Variants in DPY19L3 observed in about 807,000 individuals in gnomAD.
The protein encoded by DPY19L3 is protein C-mannosyl-transferase DPY19L3.
A neutral mutation model predicts 92.3 loss-of-function variants in DPY19L3; 51 were observed. That is an observed-to-expected ratio of 0.55 (90% CI 0.44 to 0.70). The LOEUF is 0.70. Among genes scored for constraint, DPY19L3 ranks in the 30% least tolerant of loss-of-function variants. The pLI is 0.00. For missense variants in DPY19L3, 706 were observed against 855.9 expected (o/e 0.82, Z 2.18); for synonymous variants, 309 against 315.2 (o/e 0.98, Z 0.21).
At chr19:32,440,392 C>T (rs1277983601) in intron 8 of DPY19L3, among the ~76,000 whole-genome samples, 1 of 152,150 alleles carries the variant, frequency 6.6e-6, no homozygotes, top group Non-Finnish European at 1.5e-5. Flanking sequence ...CTAATGTCTG[C>T]TGCTGTCATT....
At chr19:32,419,311 C>T (rs187080593) in intron 3 of DPY19L3, among the ~76,000 whole-genome samples, 3 of 152,008 alleles carry the variant, frequency 2.0e-5, no homozygotes, top group East Asian at 3.9e-4. Context: ...CAGGTGCCCG[C>T]TGCCACGCCT....
chr19:32,458,111 C>T lies in DPY19L3; in HGVS notation c.1101C>T (p.Asn367=). Residue 367 remains asparagine, a synonymous_variant, in exon 11 of 19, where the codon AAC becomes AAT. Transcript: ENST00000392250. The stretch of plus-strand genomic sequence containing the variant: ...TCTTTCCCCGATAGAAAATTCTTAA[C>T]CTGAAGTCAGATGAACACATATTTA... ...FLNNIIKKIL[N]LKSDEHIFKF... is the part of the protein sequence containing the mutation. The T allele has an allele frequency of 6.2e-7, 1 of 1,613,138 alleles. No homozygotes were observed. Among genetic ancestry groups the T allele is most frequent in the Non-Finnish European group, 8.5e-7 (1 of 1,179,722 alleles).
At chr19:32,470,724 C>T (rs531108992) in intron 16 of DPY19L3, among the ~76,000 whole-genome samples, 1 of 149,200 alleles carries the variant, frequency 6.7e-6, no homozygotes, top group Non-Finnish European at 1.5e-5. Context: ...CTCAGACCCT[C>T]CTTTTGCTAA....
At chr19:32,448,224 A>C (rs1599639790) in intron 8 of DPY19L3, among the ~76,000 whole-genome samples, 1 of 152,232 alleles carries the variant, frequency 6.6e-6, no homozygotes, top group Non-Finnish European at 1.5e-5. Flanking sequence ...TGAATGAGTC[A>C]TATGTGGGTC....
intron 4 of DPY19L3, among the ~76,000 whole-genome samples, chr19:32,434,130 T>G (rs1969059471): frequency 6.6e-6 from 1 of 152,144 alleles, no homozygotes; most frequent in Admixed American, 6.5e-5. Flanking sequence ...ATCTTTTACT[T>G]CCTAAAATGT....
chr19:32,407,262 G>GCCC (rs1432716118), intron 1 of DPY19L3, among the ~76,000 whole-genome samples: 30 of 39,580 alleles, frequency 7.6e-4, no homozygotes, highest in African/African-American at 2.1e-3. Flanking sequence ...CCAGGCTCCT[G>GCCC]CTCCCCCCCA....
At chr19:32,411,757 G>A (rs1255886319) in intron 3 of DPY19L3, 9 of 213,828 alleles carry the variant, frequency 4.2e-5, no homozygotes, top group Non-Finnish European at 6.4e-5. Context: ...TACTAGAGAC[G>A]GGGTTTCAGC....
chr19:32,485,551 G>T lies in DPY19L3; in HGVS notation c.*3311G>T, dbSNP rs973595978. On this transcript the variant is annotated 3_prime_UTR_variant, in exon 19 of 19. Transcript: ENST00000392250. Reference sequence around the variant, plus strand: ...ATTCCATATTGATTTTGTCTAAGATGTAAAAATTTGAGTTCATCTTTGGCC... The same window carrying T: ...ATTCCATATTGATTTTGTCTAAGATTTAAAAATTTGAGTTCATCTTTGGCC... 6.6e-6 allele frequency: 1 copy of T among 152,178 alleles called. No individual in the cohort carries two copies. The highest frequency in any genetic ancestry group is 2.1e-4 in the South Asian group (1 of 4,830). The allele number at this position is 152,178 out of a possible 1,614,324, so 9.4% of individuals were successfully genotyped here.
chr19:32,411,669 G>A (rs1235981705), intron 3 of DPY19L3: 8 of 360,254 alleles, frequency 2.2e-5, no homozygotes, highest in Non-Finnish European at 3.9e-5. Context: ...GCAGGTTCAG[G>A]TGATTCTTCT....
rs576952552 is a variant in DPY19L3, at chr19:32,411,317, C to A, written c.182C>A (p.Thr61Lys). 6.2e-7 allele frequency: 1 copy of A among 1,613,898 alleles called. No individual in the cohort carries two copies. Among genetic ancestry groups the A allele is most frequent in the Non-Finnish European group, 8.5e-7 (1 of 1,179,982 alleles). ...ATTGCCCTTTGCATTGGACTTCTTA[C>A]ATCTGTCTACCTTGCCACGTTACAT... is the stretch of plus-strand genomic sequence containing the variant. The part of the protein sequence containing the change: ...GTIALCIGLL[T>K]SVYLATLHEN... The change falls in exon 3 of 19, where the codon ACA becomes AAA. Residue 61 changes from threonine (T) to lysine (K), a missense_variant. Thr to Lys is a moderately conservative substitution (Grantham distance 78). Coordinates refer to ENST00000392250, the MANE Select transcript of DPY19L3 (RefSeq NM_001172774.2).
chr19:32,445,091 A>AC (rs1370595850), intron 8 of DPY19L3, among the ~76,000 whole-genome samples: 1 of 151,160 alleles, frequency 6.6e-6, no homozygotes, highest in Admixed American at 6.6e-5. Flanking sequence ...AAAAAAAAAA[A>AC]ACAAAAAACA....
At chr19:32,428,565 C>T (rs1476048779) in intron 3 of DPY19L3, among the ~76,000 whole-genome samples, 1 of 152,090 alleles carries the variant, frequency 6.6e-6, no homozygotes, top group African/African-American at 2.4e-5. Flanking sequence ...AGGGTTCTTG[C>T]TAAAGGCAGG....
At chr19:32,472,692 C>A (rs1456968959) in intron 16 of DPY19L3, among the ~76,000 whole-genome samples, 1 of 152,130 alleles carries the variant, frequency 6.6e-6, no homozygotes, top group Non-Finnish European at 1.5e-5. Flanking sequence ...TTGAATGTTT[C>A]ATTTTTCGTT....
Position 32,419,705 on chromosome 19 carries a change from A to G in DPY19L3, c.237+8333A>G, listed in dbSNP as rs1968500776. On this transcript the variant is annotated intron_variant, in intron 3 of 18. Coordinates refer to ENST00000392250, the MANE Select transcript of DPY19L3 (RefSeq NM_001172774.2). ...CACCTGGGCCTCCCAAAGTTCTGGGATTATAGACATGAGCCACAATGCCTG... is the reference window on the plus strand; with the variant it reads ...CACCTGGGCCTCCCAAAGTTCTGGGGTTATAGACATGAGCCACAATGCCTG... Among the ~76,000 whole-genome samples the G allele has an allele frequency of 2.0e-5, 3 of 152,220 alleles. No homozygotes were observed. In the South Asian group the frequency reaches 6.2e-4, roughly 32 times the overall value.
chr19:32,430,920 C>CCCAG, intron 3 of DPY19L3, among the ~76,000 whole-genome samples: 1 of 152,016 alleles, frequency 6.6e-6, no homozygotes, highest in South Asian at 2.1e-4. Flanking sequence ...AGCCACCGCA[C>CCCAG]CCAGCCTGAG....
At chr19:32,450,940 C>G (rs1362951829) in intron 8 of DPY19L3, among the ~76,000 whole-genome samples, 1 of 152,088 alleles carries the variant, frequency 6.6e-6, no homozygotes, top group Non-Finnish European at 1.5e-5. Context: ...GGGATCTATC[C>G]CTAAGGAAAT....
chr19:32,411,206 CTTAG>C lies in DPY19L3; in HGVS notation c.104-29_104-26del, dbSNP rs756625601. 2.5e-6 allele frequency: 4 copies of C among 1,588,624 alleles called. No homozygotes were observed. The East Asian group carries it at 9.0e-5, about 36-fold the overall frequency. On this transcript the variant is annotated intron_variant, in intron 2 of 18. Coordinates refer to ENST00000392250, the MANE Select transcript of DPY19L3 (RefSeq NM_001172774.2). ...TATTACATTCTGATTTTTTTACTGA[CTTAG>C]TTATTTATCTGTTCCATTTTTCCAA...
intron 3 of DPY19L3, among the ~76,000 whole-genome samples, chr19:32,423,794 C>T (rs1420780005): frequency 1.3e-5 from 2 of 151,978 alleles, no homozygotes; most frequent in East Asian, 1.9e-4. Flanking sequence ...GCGGCAGGAT[C>T]GCTTGAGCTC....
At chr19:32,470,314 A>G (rs988852625) in intron 16 of DPY19L3, among the ~76,000 whole-genome samples, 2 of 152,250 alleles carry the variant, frequency 1.3e-5, no homozygotes, top group African/African-American at 2.4e-5. Flanking sequence ...TGCATTAACT[A>G]TAGTCAGCTG....
Sources: gnomAD v4.1 joint callset for allele counts (sites outside exome capture counted in the v4.1 genomes callset) on GRCh38, gnomAD v4.1.1 for gene constraint, MANE v1.5 for transcripts, NCBI Gene and HGNC (gene_info 2026-07-23, HGNC 2026-07-21) for gene names.